The following EPB41L2 variants were observed in gnomAD, a reference collection of about 807,000 sequenced individuals.
EPB41L2 encodes the protein band 4.1-like protein 2.
In EPB41L2, 43 loss-of-function variants were observed where a neutral mutation model predicts 113.0. The ratio of observed to expected loss-of-function variants is 0.38; its 90% CI spans 0.30 to 0.49. The LOEUF (loss-of-function observed/expected upper bound fraction) is 0.49, where lower values mean the gene tolerates loss of function less well. Among genes scored for constraint, EPB41L2 ranks in the 20% least tolerant of loss-of-function variants. The probability of loss-of-function intolerance (pLI) is 0.95; values close to 1 mark genes in which losing one functional copy is unlikely to be tolerated. For missense variants in EPB41L2, 1,147 were observed against 1,223.4 expected, an observed-to-expected ratio of 0.94 and a Z score of 0.93; for synonymous variants, 442 against 436.7, an observed-to-expected ratio of 1.01 and a Z score of -0.15.
intron 12 of EPB41L2, chr6:130,880,641 T>A (rs541498416): frequency 2.2e-6 from 1 of 459,464 alleles, no homozygotes; most frequent in Non-Finnish European, 3.8e-6. Flanking sequence ...ATATTAAGCC[T>A]CTTTGGTCTT....
chr6:131,025,050 G>GTT (rs975606781), intron 1 of EPB41L2, among the ~76,000 whole-genome samples: 2 of 148,336 alleles, frequency 1.3e-5, no homozygotes, highest in Non-Finnish European at 3.0e-5. Context: ...TTATTTCAGG[G>GTT]TTTTTTTTTT....
At chr6:130,947,612 G>A (rs562617156) in intron 3 of EPB41L2, among the ~76,000 whole-genome samples, 8 of 152,102 alleles carry the variant, frequency 5.3e-5, no homozygotes, top group South Asian at 2.1e-4. Flanking sequence ...GGTGATTTCC[G>A]GTGTAGAGAT....
intron 1 of EPB41L2, among the ~76,000 whole-genome samples, chr6:130,965,259 C>G (rs1021156421): frequency 7.9e-5 from 12 of 152,156 alleles, no homozygotes; most frequent in African/African-American, 2.7e-4. Context: ...CATTCATAGT[C>G]AAACAACTTG....
chr6:130,910,758 C>T (rs756077498), intron 4 of EPB41L2, among the ~76,000 whole-genome samples: 105 of 152,230 alleles, frequency 6.9e-4, no homozygotes, highest in African/African-American at 2.4e-3. Context: ...ATGTGGCCAA[C>T]AAACATATGA....
chr6:131,003,637 GTAACCTAA>G, intron 1 of EPB41L2, among the ~76,000 whole-genome samples: 1 of 152,154 alleles, frequency 6.6e-6, no homozygotes, highest in Admixed American at 6.5e-5. Context: ...CTGAACGCAA[GTAACCTAA>G]AACTGGAATT....
intron 1 of EPB41L2, among the ~76,000 whole-genome samples, chr6:131,021,892 A>G (rs563199603): frequency 1.3e-5 from 2 of 152,130 alleles, no homozygotes; most frequent in East Asian, 3.9e-4. Flanking sequence ...GGCAGTCCCA[A>G]CCTTTTTGGT....
chr6:130,885,541 C>A (rs1432760376), intron 11 of EPB41L2, among the ~76,000 whole-genome samples: 1 of 152,114 alleles, frequency 6.6e-6, no homozygotes, highest in African/African-American at 2.4e-5. Flanking sequence ...ATGGAACTGG[C>A]CAGTAGGAGG....
At chr6:130,867,966 ACACACACTCTCT>A (rs748756223) in intron 15 of EPB41L2, 150 of 157,978 alleles carry the variant, frequency 9.5e-4, no homozygotes, top group African/African-American at 2.3e-3. Context: ...ACACACACAC[ACACACACTCTCT>A]CTCTCTCTCT....
At chr6:131,016,796 G>A (rs1223644736) in intron 1 of EPB41L2, among the ~76,000 whole-genome samples, 1 of 151,344 alleles carries the variant, frequency 6.6e-6, no homozygotes, top group African/African-American at 2.4e-5. Flanking sequence ...GGTGACATAG[G>A]GAGACTCTCT....
intron 4 of EPB41L2, among the ~76,000 whole-genome samples, chr6:130,921,470 T>TC (rs1208582407): frequency 6.6e-6 from 1 of 152,092 alleles, no homozygotes; most frequent in Non-Finnish European, 1.5e-5. Flanking sequence ...TGCCTACCCC[T>TC]CACAGGTCTT....
intron 1 of EPB41L2, among the ~76,000 whole-genome samples, chr6:130,962,495 A>C (rs1773835289): frequency 3.3e-5 from 5 of 152,204 alleles, no homozygotes; most frequent in African/African-American, 1.2e-4. Flanking sequence ...TTGTTAGTTC[A>C]TATTATCTAT....
At chr6:130,926,769 T>G in intron 3 of EPB41L2, 60 bp from the exon 4 acceptor site, 1 of 988,998 alleles carries the variant, frequency 1.0e-6, no homozygotes, top group Non-Finnish European at 1.5e-6. Context: ...CTGCTATAAA[T>G]TTAAGACATC....
chr6:130,988,536 C>T (rs1254057343), intron 1 of EPB41L2, among the ~76,000 whole-genome samples: 2 of 152,106 alleles, frequency 1.3e-5, no homozygotes, highest in East Asian at 3.8e-4. Context: ...TAAAGCCAGG[C>T]TTTCCTGAGG....
chr6:130,899,519 A>G lies in EPB41L2; in HGVS notation c.1208T>C (p.Met403Thr). ...GGCATGATGTAGGTCAACACCATAC[A>G]TGGAAAGCCTCTTTGCATTTTCTAA... The part of the protein sequence containing the change: ...QFLENAKRLS[M>T]YGVDLHHAKD... Residue 403 changes from methionine (M) to threonine (T), a missense_variant, in exon 8 of 20, where the codon ATG (methionine) becomes ACG (threonine). Transcript: ENST00000337057. 2 of 1,613,984 alleles carry G rather than the reference A, an allele frequency of 1.2e-6. No individual in the cohort carries two copies. Among genetic ancestry groups the G allele is most frequent in the Non-Finnish European group, 1.7e-6 (2 of 1,179,850 alleles).
At chr6:130,961,342 GA>G (rs1773469736) in intron 1 of EPB41L2, among the ~76,000 whole-genome samples, 1 of 152,162 alleles carries the variant, frequency 6.6e-6, no homozygotes, top group Non-Finnish European at 1.5e-5. Flanking sequence ...AGCTTCATGA[GA>G]AAAAGCATGC....
intron 15 of EPB41L2, 94 bp from the exon 16 acceptor site, chr6:130,867,675 C>T (rs1360786147): frequency 2.1e-6 from 3 of 1,433,502 alleles, no homozygotes; most frequent in Non-Finnish European, 2.0e-6. Context: ...GAAACATATC[C>T]AAACACACAC....
At chr6:130,894,565 C>T (rs771138338) in intron 9 of EPB41L2, 124 bp from the exon 10 acceptor site, 30 of 781,032 alleles carry the variant, frequency 3.8e-5, no homozygotes, top group Non-Finnish European at 4.9e-5. Context: ...GTAAATATTG[C>T]ATATCTAATA....
At chr6:130,949,174 G>A (rs1003333732) in intron 3 of EPB41L2, among the ~76,000 whole-genome samples, 11 of 151,944 alleles carry the variant, frequency 7.2e-5, no homozygotes, top group African/African-American at 2.4e-4. Context: ...TTCTGACCAC[G>A]CTGTAACATA....
chr6:130,885,753 G>GA (rs1403272959), intron 11 of EPB41L2, among the ~76,000 whole-genome samples: 5 of 152,062 alleles, frequency 3.3e-5, no homozygotes, highest in African/African-American at 4.8e-5. Context: ...CCCTTCAAAA[G>GA]AAAAAATAGT....
Sources: allele counts gnomAD v4.1 joint callset (sites outside exome capture counted in the v4.1 genomes callset), GRCh38; gene constraint gnomAD v4.1.1; transcripts MANE v1.5; gene names NCBI Gene and HGNC (gene_info 2026-07-23, HGNC 2026-07-21).